The following MAGI3 variants were observed in gnomAD, a reference collection of about 807,000 sequenced individuals.
MAGI3 encodes the protein membrane associated guanylate kinase, WW and PDZ domain containing 3.
A neutral mutation model predicts 121.8 loss-of-function variants in MAGI3; 43 were observed. The observed-to-expected ratio is 0.35, with a 90% CI of 0.28 to 0.46. The LOEUF is 0.46. Among genes scored for constraint, MAGI3 ranks in the 20% least tolerant of loss-of-function variants. MAGI3 has a pLI of 1.00. For synonymous variants in MAGI3, 553 were observed against 639.3 expected, an observed-to-expected ratio of 0.86 and a Z score of 2.04; for missense variants, 1,547 against 1,797.3, an observed-to-expected ratio of 0.86 and a Z score of 2.52.
intron 16 of MAGI3, among the ~76,000 whole-genome samples, chr1:113,665,811 T>G (rs1232479869): frequency 6.6e-6 from 1 of 152,194 alleles, no homozygotes; most frequent in Non-Finnish European, 1.5e-5. Flanking sequence ...CTGTGGATTT[T>G]GTTTTTATCT....
chr1:113,577,021 T>C (rs1647690573), intron 2 of MAGI3: 1 of 152,214 alleles, frequency 6.6e-6, no homozygotes, highest in Admixed American at 6.5e-5. Flanking sequence ...GTGGCAAAAC[T>C]AAGCTATGTT....
chr1:113,402,458 AG>A (rs1247354070), intron 1 of MAGI3, among the ~76,000 whole-genome samples: 3 of 152,182 alleles, frequency 2.0e-5, no homozygotes, highest in Admixed American at 1.3e-4. Context: ...CTTTAGCTTT[AG>A]CTTTGAAAAA....
chr1:113,651,770 C>T (rs1016778717), intron 14 of MAGI3, among the ~76,000 whole-genome samples: 3 of 152,106 alleles, frequency 2.0e-5, no homozygotes, highest in African/African-American at 7.2e-5. Context: ...GAATTACAGG[C>T]GTGAGCCACT....
At chr1:113,595,477 G>A (rs916152208) in intron 6 of MAGI3, among the ~76,000 whole-genome samples, 7 of 152,030 alleles carry the variant, frequency 4.6e-5, no homozygotes, top group African/African-American at 1.2e-4. Flanking sequence ...AATAAGTGGC[G>A]TAAAATGAGG....
intron 1 of MAGI3, among the ~76,000 whole-genome samples, chr1:113,431,207 A>C (rs1041419243): frequency 6.6e-6 from 1 of 152,174 alleles, no homozygotes; most frequent in Non-Finnish European, 1.5e-5. Context: ...AGTGCTAGCT[A>C]CTCAGGAGAC....
chr1:113,513,415 G>A (rs1657719817), intron 1 of MAGI3, among the ~76,000 whole-genome samples: 3 of 152,140 alleles, frequency 2.0e-5, no homozygotes, highest in Non-Finnish European at 4.4e-5. Flanking sequence ...CATGGTACTG[G>A]TACCAAAACA....
At chr1:113,563,312 T>G (rs1042641704) in intron 2 of MAGI3, among the ~76,000 whole-genome samples, 2 of 152,226 alleles carry the variant, frequency 1.3e-5, no homozygotes, top group African/African-American at 4.8e-5. Context: ...CATTGCCTCT[T>G]GGCTATAAAT....
At chr1:113,439,953 A>G (rs975182320) in intron 1 of MAGI3, among the ~76,000 whole-genome samples, 1 of 152,110 alleles carries the variant, frequency 6.6e-6, no homozygotes, top group African/African-American at 2.4e-5. Context: ...CTTTACTACT[A>G]GTGTAATTGA....
At chr1:113,577,241 A>G (rs542909202) in intron 2 of MAGI3, among the ~76,000 whole-genome samples, 2 of 152,296 alleles carry the variant, frequency 1.3e-5, no homozygotes, top group African/African-American at 4.8e-5. Context: ...ATGATCAGTT[A>G]TGTCAAATGT....
rs1652775445 is a variant in MAGI3, at chr1:113,422,507, A to G, written c.316+31158A>G. Among the ~76,000 whole-genome samples, 1 of 152,204 alleles carries G rather than the reference A, an allele frequency of 6.6e-6. No individual in the cohort carries two copies. Among genetic ancestry groups the G allele is most frequent in the Non-Finnish European group, 1.5e-5 (1 of 68,036 alleles). On this transcript the variant is annotated intron_variant, in intron 1 of 20. Transcript: ENST00000307546. The surrounding 1 kb of genome is among the most constrained non-coding windows in gnomAD (Gnocchi z 4.3). The stretch of plus-strand genomic sequence containing the variant: ...GAGCCAGGACAGAGCGGTGAGGGGC[A>G]TGTGAGTGAGCGAGTGTGGGGTCTG...
At chr1:113,639,395 T>TTTTG (rs898970188) in intron 9 of MAGI3, among the ~76,000 whole-genome samples, 1 of 152,182 alleles carries the variant, frequency 6.6e-6, no homozygotes, top group Non-Finnish European at 1.5e-5. Context: ...TGTTTAGTTT[T>TTTTG]TTTGTTTGTT....
chr1:113,655,114 T>G (rs935453917), intron 15 of MAGI3, among the ~76,000 whole-genome samples: 2 of 152,206 alleles, frequency 1.3e-5, no homozygotes, highest in African/African-American at 4.8e-5. Context: ...GAACTGTCAC[T>G]GATGCTGTGA....
In MAGI3 at chr1:113,391,477, G is replaced by T; in HGVS notation, c.316+128G>T. 2 of 1,057,016 alleles carry T rather than the reference G, an allele frequency of 1.9e-6. No individual in the cohort carries two copies. Among genetic ancestry groups the T allele is most frequent in the Non-Finnish European group, 2.7e-6 (2 of 744,106 alleles). The allele number at this position is 1,057,016 out of a possible 1,614,324, so 65.5% of individuals were successfully genotyped here. On this transcript the variant is annotated intron_variant, in intron 1 of 20. Coordinates refer to ENST00000307546, the MANE Select transcript of MAGI3 (RefSeq NM_001142782.2). The surrounding 1 kb of genome is among the most constrained non-coding windows in gnomAD (Gnocchi z 4.4). The stretch of plus-strand genomic sequence containing the variant: ...AATCTTAGACCTCTAGGGTGTGCCA[G>T]ACTCCTTGACGAGGGGGAGGGGTGG...
intron 1 of MAGI3, among the ~76,000 whole-genome samples, chr1:113,505,561 A>G (rs557521647): frequency 2.3e-4 from 34 of 147,602 alleles, no homozygotes; most frequent in African/African-American, 8.4e-4. Context: ...TAAATATATA[A>G]TGTCAGATCA....
intron 19 of MAGI3, among the ~76,000 whole-genome samples, chr1:113,676,671 T>C (rs1303196485): frequency 6.6e-6 from 1 of 152,098 alleles, no homozygotes; most frequent in Non-Finnish European, 1.5e-5. Flanking sequence ...GATGACAACT[T>C]TCTCTGGTGG....
At chr1:113,494,986 A>C (rs1317277557) in intron 1 of MAGI3, among the ~76,000 whole-genome samples, 3 of 152,212 alleles carry the variant, frequency 2.0e-5, no homozygotes, top group Non-Finnish European at 4.4e-5. Flanking sequence ...AAAACAAACC[A>C]AAACATACAT....
chr1:113,580,498 T>A (rs778037385), intron 2 of MAGI3, 44 bp from the exon 3 acceptor site: 1 of 1,563,816 alleles, frequency 6.4e-7, no homozygotes, highest in Non-Finnish European at 8.7e-7. Flanking sequence ...TTTTGTAAGT[T>A]TAAAAGTACT....
At chr1:113,468,129 T>C (rs542834005) in intron 1 of MAGI3, among the ~76,000 whole-genome samples, 53 of 151,694 alleles carry the variant, frequency 3.5e-4, no homozygotes, top group Middle Eastern at 3.5e-3. Context: ...GCTAAGTTTC[T>C]TATAGGTGGC....
At chr1:113,470,012 T>TA (rs1399379572) in intron 1 of MAGI3, among the ~76,000 whole-genome samples, 3 of 152,182 alleles carry the variant, frequency 2.0e-5, no homozygotes, top group African/African-American at 7.2e-5. Context: ...ACGTGATTCT[T>TA]TTCAGTAGTG....
Sources: allele counts gnomAD v4.1 joint callset (sites outside exome capture counted in the v4.1 genomes callset), GRCh38; gene constraint gnomAD v4.1.1; non-coding constraint Gnocchi (gnomAD v3.1); transcripts MANE v1.5; gene names NCBI Gene and HGNC (gene_info 2026-07-23, HGNC 2026-07-21).